The following ASTN2 variants were observed in gnomAD, a reference collection of about 807,000 sequenced individuals.
The protein encoded by ASTN2 is astrotactin 2.
Under a neutral mutation model 139.8 loss-of-function variants are expected in ASTN2, and 54 were observed. The ratio of observed to expected loss-of-function variants is 0.39; its 90% CI spans 0.31 to 0.48. ASTN2 has a LOEUF of 0.48. Ranked by LOEUF, ASTN2 falls within the 20% of genes least tolerant of loss-of-function variation. The pLI, the probability that ASTN2 is intolerant of heterozygous loss-of-function variation, is 0.95. For synonymous variants in ASTN2, 756 were observed against 719.5 expected, an observed-to-expected ratio of 1.05 and a Z score of -0.81; for missense variants, 1,565 against 1,725.1, an observed-to-expected ratio of 0.91 and a Z score of 1.64.
intron 10 of ASTN2, among the ~76,000 whole-genome samples, chr9:116,873,646 T>C (rs1051512018): frequency 6.6e-6 from 1 of 152,238 alleles, no homozygotes; most frequent in African/African-American, 2.4e-5. Flanking sequence ...ATGGTTTGGC[T>C]GTGTGTCCCC....
chr9:116,927,855 C>T (rs186112448), intron 10 of ASTN2, among the ~76,000 whole-genome samples: 18 of 152,320 alleles, frequency 1.2e-4, no homozygotes, highest in African/African-American at 4.3e-4. Flanking sequence ...CATTGTACTG[C>T]CCTGTTGCTG....
chr9:117,203,944 ACTAC>A (rs1831823540), intron 3 of ASTN2, among the ~76,000 whole-genome samples: 1 of 152,136 alleles, frequency 6.6e-6, no homozygotes, highest in South Asian at 2.1e-4. Flanking sequence ...ATTCATCAGA[ACTAC>A]CAGAAGGAGA....
intron 10 of ASTN2, among the ~76,000 whole-genome samples, chr9:116,923,110 G>A (rs1564342457): frequency 1.3e-5 from 2 of 152,162 alleles, no homozygotes; most frequent in African/African-American, 2.4e-5. Flanking sequence ...AACAAAGCCC[G>A]CCTAAATCTC....
intron 6 of ASTN2, among the ~76,000 whole-genome samples, chr9:117,028,131 T>C (rs758671202): frequency 2.6e-5 from 4 of 152,110 alleles, no homozygotes; most frequent in Admixed American, 6.6e-5. Flanking sequence ...ACTCAGCAAA[T>C]GTCAGCTGAA....
chr9:117,010,980 G>A (rs750889373), intron 6 of ASTN2, among the ~76,000 whole-genome samples: 5 of 152,182 alleles, frequency 3.3e-5, no homozygotes, highest in Non-Finnish European at 7.3e-5. Flanking sequence ...AAAGGACTCA[G>A]CTGAGAGTGG....
Position 117,256,291 on chromosome 9 carries a change from T to C in ASTN2, c.630+35035A>G, listed in dbSNP as rs1302839785. On this transcript the variant is annotated intron_variant, in intron 2 of 22. Transcript: ENST00000313400. ...GCTGCTGGGAAAGTAGGGTAGCACA[T>C]ACACTAAATGCTGGAATCCTGGGGC... 2.0e-5 allele frequency among the ~76,000 whole-genome samples: 3 copies of C among 152,276 alleles called. No homozygotes were observed. In the South Asian group the frequency reaches 6.2e-4, roughly 32 times the overall value.
intron 19 of ASTN2, among the ~76,000 whole-genome samples, chr9:116,555,690 G>A (rs1372198971): frequency 6.6e-6 from 1 of 152,072 alleles, no homozygotes; most frequent in Non-Finnish European, 1.5e-5. Context: ...TTTTTCCATG[G>A]ATTTAACATT....
intron 10 of ASTN2, among the ~76,000 whole-genome samples, chr9:116,896,170 G>C (rs1180499159): frequency 6.6e-6 from 1 of 152,170 alleles, no homozygotes; most frequent in Admixed American, 6.5e-5. Context: ...CCAGAGCTAA[G>C]GAATGTGGTA....
intron 19 of ASTN2, among the ~76,000 whole-genome samples, chr9:116,519,415 C>T (rs1465990705): frequency 1.3e-5 from 2 of 151,648 alleles, no homozygotes; most frequent in African/African-American, 4.8e-5. Flanking sequence ...ATCATTGGGT[C>T]AACAATGAAA....
At chr9:117,200,707 G>A (rs1437368643) in intron 3 of ASTN2, among the ~76,000 whole-genome samples, 1 of 152,154 alleles carries the variant, frequency 6.6e-6, no homozygotes, top group African/African-American at 2.4e-5. Context: ...TCTCAGGGAT[G>A]AAGCCGACTT....
At chr9:117,408,561 G>A (rs1348781442) in intron 1 of ASTN2, among the ~76,000 whole-genome samples, 2 of 152,158 alleles carry the variant, frequency 1.3e-5, no homozygotes, top group Non-Finnish European at 2.9e-5. Flanking sequence ...TGAGAAGCAG[G>A]AGGCCTTGCC....
At chr9:117,250,040 C>T (rs1035103548) in intron 2 of ASTN2, among the ~76,000 whole-genome samples, 2 of 152,212 alleles carry the variant, frequency 1.3e-5, no homozygotes, top group African/African-American at 4.8e-5. Flanking sequence ...ATTCTCTAAG[C>T]CTGGGGCTTT....
In ASTN2 at chr9:116,684,699, T is replaced by C. The variant is rs371148982; in HGVS notation, c.2807-32906A>G. Among the ~76,000 whole-genome samples, 39 of 152,302 alleles carry C rather than the reference T, an allele frequency of 2.6e-4. 1 individual carries two copies. In the South Asian group the frequency reaches 6.0e-3, roughly 24 times the overall value. Reference sequence around the variant, plus strand: ...CTTCTCACCTTGGGGTTGACTCCCATTCCCACTACGTCCCCTGTCAGCAAG... The same window carrying C: ...CTTCTCACCTTGGGGTTGACTCCCACTCCCACTACGTCCCCTGTCAGCAAG... On this transcript the variant is annotated intron_variant, in intron 16 of 22. Transcript: ENST00000313400.
chr9:116,945,647 A>T, intron 10 of ASTN2, among the ~76,000 whole-genome samples: 1 of 142,792 alleles, frequency 7.0e-6, no homozygotes, highest in African/African-American at 2.6e-5. Context: ...CCTTCCTTCC[A>T]CTTTCCTTCT....
intron 19 of ASTN2, among the ~76,000 whole-genome samples, chr9:116,558,327 T>A (rs145394444): frequency 5.1e-4 from 78 of 151,976 alleles, no homozygotes; most frequent in African/African-American, 1.8e-3. Flanking sequence ...TGTCTCTGAT[T>A]CTCTCCATAC....
At chr9:116,906,498 C>A (rs968498339) in intron 10 of ASTN2, among the ~76,000 whole-genome samples, 1 of 152,118 alleles carries the variant, frequency 6.6e-6, no homozygotes, top group African/African-American at 2.4e-5. Context: ...ACAGAAGACC[C>A]TTCTCTCATT....
chr9:116,589,104 C>G (rs974514943), intron 19 of ASTN2, among the ~76,000 whole-genome samples: 2 of 152,160 alleles, frequency 1.3e-5, no homozygotes, highest in Admixed American at 6.5e-5. Context: ...TATTTATCAT[C>G]AAACATTTCC....
At chr9:117,002,493 AAG>A (rs1276589024) in intron 7 of ASTN2, among the ~76,000 whole-genome samples, 1 of 152,164 alleles carries the variant, frequency 6.6e-6, no homozygotes, top group Non-Finnish European at 1.5e-5. Flanking sequence ...GTGTTGGAAT[AAG>A]AGAGTAAGAC....
intron 1 of ASTN2, among the ~76,000 whole-genome samples, chr9:117,382,007 G>C (rs1255067239): frequency 6.6e-6 from 1 of 152,174 alleles, no homozygotes; most frequent in Non-Finnish European, 1.5e-5. Context: ...GCAAGAGAGA[G>C]TGATAGCACT....
Sources: gnomAD v4.1 joint callset for allele counts (sites outside exome capture counted in the v4.1 genomes callset) on GRCh38, gnomAD v4.1.1 for gene constraint, MANE v1.5 for transcripts, NCBI Gene and HGNC (gene_info 2026-07-23, HGNC 2026-07-21) for gene names.